RIMS4: variants seen among roughly 807,000 people sequenced by gnomAD.
The protein encoded by RIMS4 is regulating synaptic membrane exocytosis 4.
In RIMS4, 9 loss-of-function variants were observed where a neutral mutation model predicts 29.0. The ratio of observed to expected loss-of-function variants is 0.31; its 90% CI spans 0.19 to 0.54. The LOEUF (loss-of-function observed/expected upper bound fraction) is 0.54, where lower values mean the gene tolerates loss of function less well. Among genes scored for constraint, RIMS4 ranks in the 20% least tolerant of loss-of-function variants. RIMS4 has a pLI of 0.94. For missense variants in RIMS4, 193 were observed against 365.7 expected, an observed-to-expected ratio of 0.53 and a Z score of 3.85; for synonymous variants, 130 against 152.9, an observed-to-expected ratio of 0.85 and a Z score of 1.10.
At chr20:44,786,475 C>A (rs181256028) in intron 1 of RIMS4, among the ~76,000 whole-genome samples, 13 of 152,304 alleles carry the variant, frequency 8.5e-5, no homozygotes, top group Non-Finnish European at 1.3e-4. Context: ...CATTCATGCA[C>A]CCCATTTACA....
intron 1 of RIMS4, among the ~76,000 whole-genome samples, chr20:44,778,605 C>T (rs1410041202): frequency 6.6e-6 from 1 of 152,164 alleles, no homozygotes; most frequent in African/African-American, 2.4e-5. Context: ...TTTGAGGCTG[C>T]AGTGAGCTAT....
chr20:44,778,996 G>T (rs2066172215), intron 1 of RIMS4, among the ~76,000 whole-genome samples: 2 of 152,104 alleles, frequency 1.3e-5, no homozygotes, highest in African/African-American at 4.8e-5. Flanking sequence ...CCATCCCTTT[G>T]ATTAAAACCC....
intron 1 of RIMS4, among the ~76,000 whole-genome samples, chr20:44,793,817 C>T (rs1472915195): frequency 6.6e-6 from 1 of 152,154 alleles, no homozygotes; most frequent in Non-Finnish European, 1.5e-5. Context: ...TGCTTGTAAT[C>T]CCAGTGTATT....
intron 1 of RIMS4, among the ~76,000 whole-genome samples, chr20:44,799,175 C>A (rs1043274311): frequency 6.6e-6 from 1 of 152,194 alleles, no homozygotes; most frequent in African/African-American, 2.4e-5. Flanking sequence ...TGGTGGCACG[C>A]GCCTGTAGTC....
At chr20:44,779,827 C>A (rs550534287) in intron 1 of RIMS4, among the ~76,000 whole-genome samples, 1 of 152,212 alleles carries the variant, frequency 6.6e-6, no homozygotes, top group East Asian at 1.9e-4. Flanking sequence ...GGATTAACCA[C>A]GGTGTGAACT....
chr20:44,777,495 G>C (rs2066165216), intron 1 of RIMS4, among the ~76,000 whole-genome samples: 1 of 152,108 alleles, frequency 6.6e-6, no homozygotes. Context: ...AACACTGAAA[G>C]ACAAGTATTA....
chr20:44,800,051 C>T (rs1326743148), intron 1 of RIMS4, among the ~76,000 whole-genome samples: 3 of 152,192 alleles, frequency 2.0e-5, no homozygotes, highest in Non-Finnish European at 4.4e-5. Context: ...CTCAGAGTCA[C>T]ACAGCCAATA....
chr20:44,775,139 C>T (rs2066154299), intron 1 of RIMS4, among the ~76,000 whole-genome samples: 1 of 152,180 alleles, frequency 6.6e-6, no homozygotes, highest in African/African-American at 2.4e-5. Flanking sequence ...AGATGTTAAA[C>T]ACGCTTCTAA....
At chr20:44,779,382 A>T (rs539370863) in intron 1 of RIMS4, among the ~76,000 whole-genome samples, 1 of 152,354 alleles carries the variant, frequency 6.6e-6, no homozygotes, top group South Asian at 2.1e-4. Context: ...TGCCCTACAG[A>T]AGGCCCACAT....
intron 2 of RIMS4, among the ~76,000 whole-genome samples, chr20:44,760,364 C>T (rs1164370294): frequency 6.6e-6 from 1 of 152,202 alleles, no homozygotes; most frequent in Admixed American, 6.5e-5. Context: ...TGTCAAGTAA[C>T]CCCCTGGGAG....
In RIMS4 at chr20:44,787,613, C is replaced by A. The variant is rs77320189; in HGVS notation, c.98-16200G>T. Among the ~76,000 whole-genome samples the A allele has an allele frequency of 8.8e-3, 1,335 of 152,030 alleles. 21 individuals carry two copies. Among genetic ancestry groups the A allele is most frequent in the African/African-American group, 0.031 (1,269 of 41,430 alleles). ...ACCATGAACACCAGTTTCCTCCCCT[C>A]CCAGAGTTCCTAAATCTTTTGGACT... On this transcript the variant is annotated intron_variant, in intron 1 of 5. Coordinates refer to ENST00000372851, the MANE Select transcript of RIMS4 (RefSeq NM_182970.4).
intron 2 of RIMS4, among the ~76,000 whole-genome samples, chr20:44,766,820 A>G (rs2066115753): frequency 6.6e-6 from 1 of 152,136 alleles, no homozygotes. Flanking sequence ...TCTAACCGCC[A>G]GAGTCTGCAT....
chr20:44,804,960 G>T (rs2066292353), intron 1 of RIMS4, among the ~76,000 whole-genome samples: 1 of 152,128 alleles, frequency 6.6e-6, no homozygotes, highest in Non-Finnish European at 1.5e-5. Flanking sequence ...GAATCCTCAT[G>T]CACCTGATTT....
intron 1 of RIMS4, among the ~76,000 whole-genome samples, chr20:44,784,691 C>T (rs547753574): frequency 3.3e-5 from 5 of 152,364 alleles, no homozygotes; most frequent in African/African-American, 7.2e-5. Context: ...GGATGAGCAG[C>T]GCTATCCTTT....
chr20:44,804,947 C>T (rs2066292292), intron 1 of RIMS4, among the ~76,000 whole-genome samples: 1 of 152,154 alleles, frequency 6.6e-6, no homozygotes, highest in Non-Finnish European at 1.5e-5. Context: ...TGGGGTAAGG[C>T]GTGAATCCTC....
chr20:44,797,317 G>T (rs6031800), intron 1 of RIMS4, among the ~76,000 whole-genome samples: 100 of 152,332 alleles, frequency 6.6e-4, no homozygotes, highest in African/African-American at 2.3e-3. Flanking sequence ...TGATTGAGCA[G>T]TTACAACAGA....
chr20:44,756,366 G>C lies in RIMS4; in HGVS notation c.592-14C>G. The C allele has an allele frequency of 6.2e-7, 1 of 1,609,178 alleles. No homozygotes were observed. The highest frequency in any genetic ancestry group is 1.1e-5 in the South Asian group (1 of 90,534). Reference sequence around the variant, plus strand: ...CCACACGATCACCTGTGGGGCAAGAGACACAGTGGTTCAAATCCTGCCAGT... The same window carrying C: ...CCACACGATCACCTGTGGGGCAAGACACACAGTGGTTCAAATCCTGCCAGT... On this transcript the variant is annotated splice_polypyrimidine_tract_variant and intron_variant, in intron 5 of 5. Transcript: ENST00000372851. The surrounding 1 kb of genome is among the most constrained non-coding windows in gnomAD (Gnocchi z 5.9).
At chr20:44,764,986 A>G (rs1167550945) in intron 2 of RIMS4, among the ~76,000 whole-genome samples, 1 of 152,164 alleles carries the variant, frequency 6.6e-6, no homozygotes, top group Non-Finnish European at 1.5e-5. Flanking sequence ...TATTTGTCAA[A>G]AACTCATCTT....
At position 44,754,666 on chromosome 20, in the gene RIMS4, T is replaced by C. The variant is rs62204583; in HGVS notation, c.*1468A>G. 5,359 of 153,020 alleles carry C rather than the reference T, an allele frequency of 0.035. 138 individuals are homozygous for C. The highest frequency in any genetic ancestry group is 0.057 in the Non-Finnish European group (3,910 of 68,274). 9.5% of individuals were successfully genotyped at this position (153,020 alleles called of 1,614,324 possible). A position where few individuals can be genotyped will look rare whatever the true frequency, so the allele number is the denominator to read the frequency against. ...CTCCTGTGAGCCAGGCTGCCCCATC[T>C]AGGCCCAGGCCAGCGAGGAGACAGT... On this transcript the variant is annotated 3_prime_UTR_variant, in exon 6 of 6. Coordinates refer to ENST00000372851, the MANE Select transcript of RIMS4 (RefSeq NM_182970.4).
Sources: allele counts gnomAD v4.1 joint callset (sites outside exome capture counted in the v4.1 genomes callset), GRCh38; gene constraint gnomAD v4.1.1; non-coding constraint Gnocchi (gnomAD v3.1); transcripts MANE v1.5; gene names NCBI Gene and HGNC (gene_info 2026-07-23, HGNC 2026-07-21).